Variants in PDE4D observed in about 807,000 individuals in gnomAD.
PDE4D encodes the protein phosphodiesterase 4D.
PDE4D carries 24 observed loss-of-function variants against 87.4 expected under a neutral mutation model. That is an observed-to-expected ratio of 0.27 (90% CI 0.20 to 0.39). PDE4D has a LOEUF of 0.39. Ranked by LOEUF, PDE4D falls within the 10% of genes least tolerant of loss-of-function variation. PDE4D has a pLI of 1.00. For missense variants in PDE4D, 714 were observed against 1,041.0 expected (o/e 0.69, Z 4.32); for synonymous variants, 384 against 383.2 (o/e 1.00, Z -0.02).
At chr5:60,500,051 C>T (rs1329537952) in intron 1 of PDE4D, among the ~76,000 whole-genome samples, 1 of 151,904 alleles carries the variant, frequency 6.6e-6, no homozygotes. Flanking sequence ...GCTCATACCT[C>T]TAATCCCAGC....
At chr5:60,337,351 C>CAAAATATA (rs1491477498) in intron 1 of PDE4D, among the ~76,000 whole-genome samples, 82 of 62,244 alleles carry the variant, frequency 1.3e-3, no homozygotes, top group South Asian at 3.2e-3. Context: ...AACAAACAAA[C>CAAAATATA]TATATATATA....
At chr5:60,128,705 TCTAA>T (rs1451447736) in intron 2 of PDE4D, among the ~76,000 whole-genome samples, 1 of 152,206 alleles carries the variant, frequency 6.6e-6, no homozygotes, top group African/African-American at 2.4e-5. Flanking sequence ...TATTAACTAC[TCTAA>T]CTGATACACT....
chr5:59,049,599 A>G (rs1054306530), intron 5 of PDE4D, among the ~76,000 whole-genome samples: 4 of 152,220 alleles, frequency 2.6e-5, no homozygotes, highest in African/African-American at 4.8e-5. Context: ...ATTCACCAAT[A>G]CACCAGTATG....
intron 1 of PDE4D, among the ~76,000 whole-genome samples, chr5:60,447,687 T>A (rs1745755433): frequency 6.6e-6 from 1 of 152,168 alleles, no homozygotes; most frequent in Admixed American, 6.5e-5. Flanking sequence ...CACATAAAAC[T>A]CACTCTAAAT....
Position 58,975,312 on chromosome 5 carries a change from T to TA in PDE4D, c.2014-233dup, listed in dbSNP as rs1451597726. Among the ~76,000 whole-genome samples the TA allele has an allele frequency of 6.6e-6, 1 of 152,154 alleles. No homozygotes were observed. The highest frequency in any genetic ancestry group is 1.9e-4 in the East Asian group (1 of 5,192). ...TGGTTAAAGAGCATGTTCTATAGCA[T>TA]AAAAAATTTTCCAGTTGTTGACATG... On this transcript the variant is annotated intron_variant, in intron 14 of 14. Transcript: ENST00000340635. This position sits in a 1 kb window ranked among gnomAD's most constrained non-coding sequence, Gnocchi z 4.2.
chr5:59,853,806 A>G (rs1221303074), intron 1 of PDE4D, among the ~76,000 whole-genome samples: 3 of 152,094 alleles, frequency 2.0e-5, no homozygotes, highest in African/African-American at 7.2e-5. Context: ...CAAAAATGAC[A>G]TGCTATGTAT....
chr5:59,572,998 A>G (rs1241099401), intron 1 of PDE4D, among the ~76,000 whole-genome samples: 2 of 152,190 alleles, frequency 1.3e-5, no homozygotes, highest in East Asian at 1.9e-4. Context: ...TCTTAGTATC[A>G]TAAGTGGTGT....
intron 1 of PDE4D, among the ~76,000 whole-genome samples, chr5:59,521,329 G>C (rs1033663646): frequency 6.6e-6 from 1 of 152,140 alleles, no homozygotes; most frequent in Admixed American, 6.5e-5. Context: ...AAAGCAGTCA[G>C]GTCAGAGTAA....
At chr5:59,275,609 T>A in intron 1 of PDE4D, 1 of 1,353,690 alleles carries the variant, frequency 7.4e-7, no homozygotes, top group Non-Finnish European at 9.5e-7. Context: ...TCCTTCATAC[T>A]GAATTTACTC....
At chr5:60,520,330 T>A (rs1439054132) in intron 1 of PDE4D, among the ~76,000 whole-genome samples, 1 of 152,178 alleles carries the variant, frequency 6.6e-6, no homozygotes, top group Admixed American at 6.5e-5. Flanking sequence ...TAACATGGAC[T>A]ACTAACCCCA....
chr5:60,331,549 G>A (rs1757308948), intron 1 of PDE4D, among the ~76,000 whole-genome samples: 1 of 152,168 alleles, frequency 6.6e-6, no homozygotes, highest in African/African-American at 2.4e-5. Flanking sequence ...ACTTCCCCCT[G>A]AAGGATAGAC....
chr5:58,998,611 T>C (rs949617088), intron 6 of PDE4D, among the ~76,000 whole-genome samples: 2 of 152,062 alleles, frequency 1.3e-5, no homozygotes, highest in African/African-American at 4.8e-5. Flanking sequence ...CAAGTAAATC[T>C]CTAAAACAAA....
intron 1 of PDE4D, among the ~76,000 whole-genome samples, chr5:59,687,995 G>A (rs1166772712): frequency 6.6e-6 from 1 of 152,070 alleles, no homozygotes; most frequent in African/African-American, 2.4e-5. Context: ...ATGGTAAAGG[G>A]ATCAATTCAA....
At chr5:60,471,180 G>C (rs1021838959) in intron 1 of PDE4D, among the ~76,000 whole-genome samples, 1 of 152,146 alleles carries the variant, frequency 6.6e-6, no homozygotes, top group African/African-American at 2.4e-5. Context: ...GATTTTAGGG[G>C]AGGAAGTCAC....
intron 1 of PDE4D, among the ~76,000 whole-genome samples, chr5:60,441,936 A>G (rs1745255856): frequency 6.6e-6 from 1 of 151,984 alleles, no homozygotes; most frequent in Admixed American, 6.6e-5. Flanking sequence ...AAAGTCAGGA[A>G]ACAGCAGATG....
intron 1 of PDE4D, among the ~76,000 whole-genome samples, chr5:60,322,367 TACACAC>T (rs60232413): frequency 0.023 from 3,013 of 132,766 alleles, 62 homozygotes; most frequent in African/African-American, 0.05. Context: ...TGGACACACA[TACACAC>T]ACACACACAC....
rs142865050 is a variant in PDE4D at position 59,324,430 on chromosome 5, A to G, written c.456-108462T>C. Reference sequence around the variant, plus strand: ...CCTGATTGTCTCAGCTAATCATGAAAGTACGATTTCCAAGGCAGTGATTTG... The same window carrying G: ...CCTGATTGTCTCAGCTAATCATGAAGGTACGATTTCCAAGGCAGTGATTTG... On this transcript the variant is annotated intron_variant, in intron 1 of 14. Transcript: ENST00000340635. Among the ~76,000 whole-genome samples, 250 of 152,290 alleles carry G rather than the reference A, an allele frequency of 1.6e-3. 2 individuals carry two copies. Among genetic ancestry groups the G allele is most frequent in the African/African-American group, 5.4e-3 (223 of 41,578 alleles).
intron 2 of PDE4D, among the ~76,000 whole-genome samples, chr5:59,206,129 G>A (rs946848173): frequency 2.6e-5 from 4 of 152,024 alleles, no homozygotes; most frequent in South Asian, 2.1e-4. Flanking sequence ...GCAATTAACC[G>A]TAGGTGGACA....
chr5:59,893,782 C>T, upstream of PDE4D: 3 of 1,338,152 alleles, frequency 2.2e-6, no homozygotes, highest in Non-Finnish European at 2.9e-6. Context: ...AGCCTCAGGG[C>T]TACCGAGAGG....
Sources: allele counts gnomAD v4.1 joint callset (sites outside exome capture counted in the v4.1 genomes callset), GRCh38; gene constraint gnomAD v4.1.1; non-coding constraint Gnocchi (gnomAD v3.1); transcripts MANE v1.5; gene names NCBI Gene and HGNC (gene_info 2026-07-23, HGNC 2026-07-21).